Variants in ANKRD31 observed in about 807,000 individuals in gnomAD.
The protein encoded by ANKRD31 is ankyrin repeat domain-containing protein 31.
In ANKRD31, 147 loss-of-function variants were observed where a neutral mutation model predicts 186.0. That is an observed-to-expected ratio of 0.79 (90% CI 0.69 to 0.91). ANKRD31 has a LOEUF of 0.91. Ranked by LOEUF, ANKRD31 falls within the 40% of genes least tolerant of loss-of-function variation. The pLI is 0.00. For missense variants in ANKRD31, 1,986 were observed against 2,148.8 expected, an observed-to-expected ratio of 0.92 and a Z score of 1.50; for synonymous variants, 673 against 736.4, an observed-to-expected ratio of 0.91 and a Z score of 1.39.
At chr5:75,098,187 G>C (rs1483316235) in intron 22 of ANKRD31, among the ~76,000 whole-genome samples, 1 of 151,998 alleles carries the variant, frequency 6.6e-6, no homozygotes, top group South Asian at 2.1e-4. Flanking sequence ...TAGAGATGGG[G>C]TTTCACTGTG....
At chr5:75,175,646 AACACACACACACAC>A (rs10532266) in intron 10 of ANKRD31, among the ~76,000 whole-genome samples, 5 of 147,568 alleles carry the variant, frequency 3.4e-5, no homozygotes, top group Non-Finnish European at 6.0e-5. Flanking sequence ...TACCTCAGAA[AACACACACACACAC>A]ACACACACAC....
At position 75,135,120 on chromosome 5, in the gene ANKRD31, C is replaced by A. The variant is rs113768911; in HGVS notation, c.3876+2736G>T. ...GAAAACTGGCACAAGACAGGGATGC[C>A]CTCTCTCACCACTCCTATTCAACAT... On this transcript the variant is annotated intron_variant, in intron 17 of 25. Transcript: ENST00000506364. 8.5e-3 allele frequency among the ~76,000 whole-genome samples: 1,288 copies of A among 152,190 alleles called. 19 individuals are homozygous for A. The highest frequency in any genetic ancestry group is 0.028 in the African/African-American group (1,178 of 41,472).
chr5:75,198,998 C>T (rs771157955), intron 6 of ANKRD31, among the ~76,000 whole-genome samples: 2 of 152,086 alleles, frequency 1.3e-5, no homozygotes, highest in Non-Finnish European at 1.5e-5. Flanking sequence ...AAGTAAGCTA[C>T]AGGGACAACC....
chr5:75,085,551 G>A (rs1312762104), intron 23 of ANKRD31, among the ~76,000 whole-genome samples: 7 of 151,914 alleles, frequency 4.6e-5, no homozygotes, highest in South Asian at 2.1e-4. Context: ...ACAAGTGTGC[G>A]CCACCACGCC....
chr5:75,107,398 A>G, intron 21 of ANKRD31, 123 bp downstream of exon 21: 1 of 649,396 alleles, frequency 1.5e-6, no homozygotes, highest in Non-Finnish European at 2.6e-6. Context: ...ACAACCTCAT[A>G]AAGTCATTAT....
At chr5:75,084,426 A>C in intron 23 of ANKRD31, 52 bp from the exon 24 acceptor site, 4 of 1,234,160 alleles carry the variant, frequency 3.2e-6, no homozygotes, top group Non-Finnish European at 4.6e-6. Context: ...GTAAGAAGGA[A>C]ATACACCTAT....
intron 2 of ANKRD31, among the ~76,000 whole-genome samples, chr5:75,228,722 A>G (rs183544216): frequency 1.0e-3 from 157 of 152,212 alleles, no homozygotes; most frequent in African/African-American, 3.7e-3. Context: ...ATATTTTAAT[A>G]TTTTTAATAA....
Position 75,236,856 on chromosome 5 carries a change from C to G in ANKRD31, c.-170G>C. 1.9e-6 allele frequency: 1 copy of G among 529,924 alleles called. No individual in the cohort carries two copies. Among genetic ancestry groups the G allele is most frequent in the Non-Finnish European group, 3.1e-6 (1 of 323,528 alleles). 32.8% of individuals were successfully genotyped at this position (529,924 alleles called of 1,614,324 possible). On this transcript the variant is annotated 5_prime_UTR_variant, in exon 1 of 26. Coordinates refer to ENST00000506364, the MANE Select transcript of ANKRD31 (RefSeq NM_001372053.1). ...CTGCTGAGGAGGACGCAGGCGGCCGCGAGCGCGGCGGGGTAGCAGTCTGCG... is the reference window on the plus strand; with the variant it reads ...CTGCTGAGGAGGACGCAGGCGGCCGGGAGCGCGGCGGGGTAGCAGTCTGCG...
In ANKRD31 at chr5:75,236,841, G is replaced by T; in HGVS notation, c.-155C>A. The T allele has an allele frequency of 1.7e-6, 1 of 604,350 alleles. No homozygotes were observed. Among genetic ancestry groups the T allele is most frequent in the Non-Finnish European group, 2.6e-6 (1 of 383,018 alleles). 37.4% of individuals were successfully genotyped at this position (604,350 alleles called of 1,614,324 possible). On this transcript the variant is annotated 5_prime_UTR_variant, in exon 1 of 26. Transcript: ENST00000506364. ...GGACTTGTCGCAGGGCTGCTGAGGA[G>T]GACGCAGGCGGCCGCGAGCGCGGCG... is the stretch of plus-strand genomic sequence containing the variant.
chr5:75,169,259 T>C, intron 10 of ANKRD31, 138 bp from the exon 11 acceptor site: 2 of 991,986 alleles, frequency 2.0e-6, no homozygotes, highest in Non-Finnish European at 2.9e-6. Context: ...TAGTATCACC[T>C]GAAAGCACAC....
chr5:75,168,832 A>G (rs767614015), intron 11 of ANKRD31, 147 bp downstream of exon 11: 20 of 795,870 alleles, frequency 2.5e-5, no homozygotes, highest in Non-Finnish European at 3.7e-5. Context: ...CCCATCACAC[A>G]GTAAAATTTC....
chr5:75,218,793 T>C (rs911832722), intron 3 of ANKRD31, among the ~76,000 whole-genome samples: 2 of 152,150 alleles, frequency 1.3e-5, no homozygotes, highest in African/African-American at 4.8e-5. Context: ...CTTCAACGTA[T>C]TCAAATCAAT....
intron 20 of ANKRD31, among the ~76,000 whole-genome samples, chr5:75,110,468 T>A (rs1395208717): frequency 1.3e-5 from 2 of 151,736 alleles, no homozygotes; most frequent in African/African-American, 2.4e-5. Flanking sequence ...TCCCAGCACT[T>A]TGGGAGGTCG....
chr5:75,117,996 A>T, intron 18 of ANKRD31, 139 bp downstream of exon 18: 1 of 649,284 alleles, frequency 1.5e-6, no homozygotes, highest in Non-Finnish European at 2.2e-6. Context: ...TTCTAAAAAT[A>T]AATAATGGCT....
At chr5:75,125,970 A>G (rs1440854127) in intron 17 of ANKRD31, among the ~76,000 whole-genome samples, 2 of 152,232 alleles carry the variant, frequency 1.3e-5, no homozygotes, top group Admixed American at 1.3e-4. Context: ...CTACCATCAC[A>G]AAAAATCCTT....
At chr5:75,231,348 T>C (rs1379731029) in intron 1 of ANKRD31, among the ~76,000 whole-genome samples, 1 of 151,990 alleles carries the variant, frequency 6.6e-6, no homozygotes, top group Non-Finnish European at 1.5e-5. Flanking sequence ...AGTGCTGGGA[T>C]TACAGGAATG....
chr5:75,114,257 T>C (rs1333306862), intron 19 of ANKRD31, among the ~76,000 whole-genome samples: 1 of 152,178 alleles, frequency 6.6e-6, no homozygotes, highest in Non-Finnish European at 1.5e-5. Flanking sequence ...GATTCCAGAA[T>C]CTTTTCTACA....
At chr5:75,075,039 T>G (rs1744522076) in intron 25 of ANKRD31, among the ~76,000 whole-genome samples, 2 of 152,248 alleles carry the variant, frequency 1.3e-5, no homozygotes, top group Non-Finnish European at 2.9e-5. Flanking sequence ...TATATGCAGT[T>G]TATTACACCT....
At chr5:75,119,126 T>C (rs1748543483) in intron 17 of ANKRD31, among the ~76,000 whole-genome samples, 1 of 152,182 alleles carries the variant, frequency 6.6e-6, no homozygotes, top group South Asian at 2.1e-4. Flanking sequence ...TAGATTCAAA[T>C]GATATATGTG....
Sources: allele counts gnomAD v4.1 joint callset (sites outside exome capture counted in the v4.1 genomes callset), GRCh38; gene constraint gnomAD v4.1.1; transcripts MANE v1.5; gene names NCBI Gene and HGNC (gene_info 2026-07-23, HGNC 2026-07-21).